The following ERC1 variants were observed in gnomAD, a reference collection of about 807,000 sequenced individuals.
ERC1 encodes ELKS/RAB6-interacting/CAST family member 1, also known as RAB6 interacting protein 2.
A neutral mutation model predicts 132.0 loss-of-function variants in ERC1; 56 were observed. The ratio of observed to expected loss-of-function variants is 0.42; its 90% confidence interval spans 0.34 to 0.53. The LOEUF (loss-of-function observed/expected upper bound fraction) is 0.53, where lower values mean the gene tolerates loss of function less well. Ranked by LOEUF, ERC1 falls within the 20% of genes least tolerant of loss-of-function variation. The pLI is 0.03. For missense variants in ERC1, 1,202 were observed against 1,349.9 expected, an observed-to-expected ratio of 0.89 and a Z score of 1.72; for synonymous variants, 478 against 476.1, an observed-to-expected ratio of 1.00 and a Z score of -0.05.
At chr12:1,049,773 A>G (rs1351177906) in intron 2 of ERC1, among the ~76,000 whole-genome samples, 7 of 124,730 alleles carry the variant, frequency 5.6e-5, no homozygotes, top group South Asian at 2.6e-4. Context: ...TTTTTTTAAG[A>G]TGGAGTCTCA....
chr12:1,294,872 T>C (rs2079793537), intron 15 of ERC1, among the ~76,000 whole-genome samples: 2 of 152,202 alleles, frequency 1.3e-5, no homozygotes, highest in South Asian at 4.1e-4. Flanking sequence ...GTGTACCTTA[T>C]AGGTAGCTAC....
intron 8 of ERC1, among the ~76,000 whole-genome samples, chr12:1,163,796 A>C (rs1952095305): frequency 6.6e-6 from 1 of 152,164 alleles, no homozygotes; most frequent in South Asian, 2.1e-4. Context: ...GCTCACTGCA[A>C]CCTCTACCTC....
chr12:1,078,881 A>G (rs1030954643), intron 2 of ERC1, among the ~76,000 whole-genome samples: 100 of 126,224 alleles, frequency 7.9e-4, no homozygotes, highest in Non-Finnish European at 7.4e-4. Context: ...TCGATATACA[A>G]AGATACAGAT....
intron 18 of ERC1, among the ~76,000 whole-genome samples, chr12:1,481,929 G>A (rs1387321305): frequency 6.6e-6 from 1 of 152,108 alleles, no homozygotes; most frequent in Non-Finnish European, 1.5e-5. Flanking sequence ...GGGTCTCCAT[G>A]TTTAGGTTTT....
chr12:1,110,762 G>A (rs1297861048), intron 5 of ERC1, among the ~76,000 whole-genome samples: 2 of 152,132 alleles, frequency 1.3e-5, no homozygotes, highest in African/African-American at 4.8e-5. Flanking sequence ...GGAGTGCAGT[G>A]GTGTGATCTC....
At chr12:1,321,425 G>A (rs182753955) in intron 15 of ERC1, among the ~76,000 whole-genome samples, 352 of 152,204 alleles carry the variant, frequency 2.3e-3, no homozygotes, top group African/African-American at 7.9e-3. Flanking sequence ...CATACAATGC[G>A]GAGCCTACTT....
intron 14 of ERC1, among the ~76,000 whole-genome samples, chr12:1,288,779 G>T (rs186570446): frequency 2.0e-5 from 3 of 152,182 alleles, no homozygotes; most frequent in Admixed American, 1.3e-4. Context: ...ATTATTTCTT[G>T]GCAATTAACA....
chr12:1,195,875 G>GC (rs5795962), intron 12 of ERC1, among the ~76,000 whole-genome samples: 7,656 of 97,306 alleles, frequency 0.079, 553 homozygotes, highest in East Asian at 0.13. Flanking sequence ...ACTTATTTCC[G>GC]CCCCCCCCCC....
chr12:1,120,992 A>G (rs1390990442), intron 7 of ERC1, among the ~76,000 whole-genome samples: 1 of 152,224 alleles, frequency 6.6e-6, no homozygotes, highest in Non-Finnish European at 1.5e-5. Context: ...TCTTAGAACT[A>G]GAGGGCATTT....
intron 1 of ERC1, 30 bp from the exon 2 acceptor site, chr12:1,027,718 A>G: frequency 1.8e-6 from 1 of 567,242 alleles, no homozygotes; most frequent in East Asian, 2.8e-5. Context: ...TTATTATTGG[A>G]GGATTTAATG....
chr12:1,154,965 A>T (rs1951227682), intron 8 of ERC1, among the ~76,000 whole-genome samples: 1 of 152,222 alleles, frequency 6.6e-6, no homozygotes. Context: ...GAGCAAACGT[A>T]AATTAGTACA....
chr12:1,345,187 CT>C (rs573681390), intron 15 of ERC1, among the ~76,000 whole-genome samples: 35 of 131,404 alleles, frequency 2.7e-4, no homozygotes, highest in Admixed American at 3.9e-4. Flanking sequence ...AATATTTCTT[CT>C]TTTTTTTTTT....
chr12:1,033,039 AT>A (rs112737527), intron 2 of ERC1, among the ~76,000 whole-genome samples: 465 of 141,328 alleles, frequency 3.3e-3, no homozygotes, highest in Middle Eastern at 7.0e-3. Context: ...TGCCTGGCTA[AT>A]TTTTTTTTTT....
chr12:1,457,804 G>A (rs1439634940), intron 18 of ERC1, among the ~76,000 whole-genome samples: 1 of 151,996 alleles, frequency 6.6e-6, no homozygotes, highest in Non-Finnish European at 1.5e-5. Context: ...GAAGTGGGAG[G>A]GTCACTTGAG....
At position 1,168,589 on chromosome 12, in the gene ERC1, A is replaced by G. The variant is rs576222854; in HGVS notation, c.1738-11951A>G. 2.2e-3 allele frequency among the ~76,000 whole-genome samples: 332 copies of G among 150,430 alleles called. 2 individuals are homozygous for G. Among genetic ancestry groups the G allele is most frequent in the African/African-American group, 7.5e-3 (304 of 40,726 alleles). On this transcript the variant is annotated intron_variant, in intron 8 of 18. Transcript: ENST00000360905. ...AACCATCGCCTCCCAGGTTCAAGCA[A>G]TTCTCCTGCCTCAGCCTCCCGAGTA...
chr12:1,490,428 A>G lies in ERC1; in HGVS notation c.*198A>G. On this transcript the variant is annotated 3_prime_UTR_variant, in exon 19 of 19. Coordinates refer to ENST00000360905, the MANE Select transcript of ERC1 (RefSeq NM_178040.4). ...CCTTTCTGCTTTGGATGTGGTCTCT[A>G]CACTAACCTTCTTGATGTCCAGGGT... is the stretch of plus-strand genomic sequence containing the variant. 1 of 582,446 alleles carries G rather than the reference A, an allele frequency of 1.7e-6. No individual in the cohort carries two copies. Among genetic ancestry groups the G allele is most frequent in the Non-Finnish European group, 3.0e-6 (1 of 330,400 alleles). 36.1% of individuals were successfully genotyped at this position (582,446 alleles called of 1,614,324 possible).
chr12:1,258,196 C>A (rs552235251), intron 13 of ERC1, among the ~76,000 whole-genome samples: 1 of 152,142 alleles, frequency 6.6e-6, no homozygotes. Context: ...AAGTCAACTT[C>A]CTAATTTCCA....
chr12:994,373 C>G (rs1392666146), intron 1 of ERC1, among the ~76,000 whole-genome samples: 1 of 151,928 alleles, frequency 6.6e-6, no homozygotes, highest in Admixed American at 6.6e-5. Flanking sequence ...AAATCTGTTG[C>G]TCACCAAGTC....
chr12:1,196,806 T>TTC (rs755412381), intron 12 of ERC1, among the ~76,000 whole-genome samples: 5,686 of 90,300 alleles, frequency 0.063, 581 homozygotes, highest in Middle Eastern at 0.13. Context: ...CGCACGCTAT[T>TTC]TCTCTCTCTC....
Sources: allele counts gnomAD v4.1 joint callset (sites outside exome capture counted in the v4.1 genomes callset), GRCh38; gene constraint gnomAD v4.1.1; transcripts MANE v1.5; gene names NCBI Gene and HGNC (gene_info 2026-07-23, HGNC 2026-07-21).